MSRA: variants seen among roughly 807,000 people sequenced by gnomAD.
MSRA encodes the protein mitochondrial peptide methionine sulfoxide reductase.
MSRA carries 54 observed loss-of-function variants against 31.3 expected under a neutral mutation model. That is an observed-to-expected ratio of 1.73 (90% CI 1.39 to 2.17). The LOEUF (loss-of-function observed/expected upper bound fraction) is 2.17, where lower values mean the gene tolerates loss of function less well. MSRA is among the 30% of genes most tolerant of loss of function. The probability of loss-of-function intolerance (pLI) is 0.00; values close to 1 mark genes in which losing one functional copy is unlikely to be tolerated. For missense variants in MSRA, 507 were observed against 300.9 expected (o/e 1.69, Z -5.07); for synonymous variants, 169 against 116.5 (o/e 1.45, Z -2.90).
intron 5 of MSRA, among the ~76,000 whole-genome samples, chr8:10,377,153 G>C (rs973716744): frequency 1.3e-5 from 2 of 152,258 alleles, no homozygotes; most frequent in African/African-American, 4.8e-5. Context: ...TAATGATCGC[G>C]AGTTTTTCTT....
intron 5 of MSRA, among the ~76,000 whole-genome samples, chr8:10,415,676 T>G (rs1286240828): frequency 6.6e-6 from 1 of 152,068 alleles, no homozygotes; most frequent in Non-Finnish European, 1.5e-5. Context: ...CTTTCCAGTT[T>G]ATCCTTGATT....
At chr8:10,321,077 G>A (rs1802019891) in intron 5 of MSRA, among the ~76,000 whole-genome samples, 1 of 152,038 alleles carries the variant, frequency 6.6e-6, no homozygotes, top group Admixed American at 6.6e-5. Flanking sequence ...GTAGTTCTCG[G>A]AAATATATAC....
chr8:10,384,116 G>A (rs905101457), intron 5 of MSRA, among the ~76,000 whole-genome samples: 2 of 152,164 alleles, frequency 1.3e-5, no homozygotes, highest in African/African-American at 4.8e-5. Context: ...TGTGCCCAGA[G>A]CTTGTACCTT....
At chr8:10,426,324 T>G (rs1289091436) in intron 5 of MSRA, among the ~76,000 whole-genome samples, 1 of 152,194 alleles carries the variant, frequency 6.6e-6, no homozygotes, top group Non-Finnish European at 1.5e-5. Flanking sequence ...ATTCGGTGTT[T>G]ACAGAATCGT....
intron 3 of MSRA, among the ~76,000 whole-genome samples, chr8:10,279,650 T>G (rs1319039767): frequency 6.6e-6 from 1 of 152,196 alleles, no homozygotes; most frequent in Non-Finnish European, 1.5e-5. Flanking sequence ...TACAAAATGG[T>G]TGAGTATTAA....
rs554680990 is a variant in MSRA, at chr8:10,351,941, C to T, written c.543+31952C>T. 5.4e-4 allele frequency among the ~76,000 whole-genome samples: 82 copies of T among 152,294 alleles called. 1 individual carries two copies. The highest frequency in any genetic ancestry group is 1.2e-4 in the Non-Finnish European group (8 of 68,036). On this transcript the variant is annotated intron_variant, in intron 5 of 5. Transcript: ENST00000317173. The stretch of plus-strand genomic sequence containing the variant: ...CGGCCACATTTAATGAGAAGAGAAC[C>T]CAGCTGTGTGGTTGTTGACTGCGAT...
intron 2 of MSRA, among the ~76,000 whole-genome samples, chr8:10,225,053 G>T (rs754876785): frequency 2.0e-5 from 3 of 152,138 alleles, no homozygotes; most frequent in African/African-American, 2.4e-5. Flanking sequence ...GAGTAGAATC[G>T]CTTGAACCCA....
chr8:10,405,718 C>G (rs372410369), intron 5 of MSRA, among the ~76,000 whole-genome samples: 1 of 152,212 alleles, frequency 6.6e-6, no homozygotes, highest in Non-Finnish European at 1.5e-5. Flanking sequence ...ACCATGTGCT[C>G]ACACACACAA....
chr8:10,183,808 G>GC (rs1806766734), intron 1 of MSRA, among the ~76,000 whole-genome samples: 33 of 100,226 alleles, frequency 3.3e-4, no homozygotes, highest in African/African-American at 8.2e-4. Context: ...GGTGGTGGTG[G>GC]TGCTGCTGCT....
At chr8:10,194,946 C>G (rs1446004726) in intron 1 of MSRA, among the ~76,000 whole-genome samples, 1 of 152,202 alleles carries the variant, frequency 6.6e-6, no homozygotes, top group Admixed American at 6.5e-5. Flanking sequence ...CACAGAAGTT[C>G]AAAAGTAACA....
intron 2 of MSRA, among the ~76,000 whole-genome samples, chr8:10,243,857 A>G (rs1390130474): frequency 6.6e-6 from 1 of 152,196 alleles, no homozygotes; most frequent in African/African-American, 2.4e-5. Flanking sequence ...TTGCAATATT[A>G]TCACAAAATA....
At chr8:10,143,167 T>A (rs1478616010) in intron 1 of MSRA, among the ~76,000 whole-genome samples, 3 of 152,206 alleles carry the variant, frequency 2.0e-5, no homozygotes, top group African/African-American at 4.8e-5. Flanking sequence ...TCCTCTTCTT[T>A]CACGGGGAAA....
chr8:10,226,225 G>T (rs897886618), intron 2 of MSRA, among the ~76,000 whole-genome samples: 1 of 152,192 alleles, frequency 6.6e-6, no homozygotes, highest in South Asian at 2.1e-4. Context: ...GTCTTGCCTA[G>T]GCCTCAGTTT....
intron 2 of MSRA, among the ~76,000 whole-genome samples, chr8:10,239,340 T>G (rs1454161526): frequency 6.6e-6 from 1 of 152,164 alleles, no homozygotes; most frequent in Admixed American, 6.5e-5. Context: ...TTTTGTGTTT[T>G]TAGGAGAGAC....
chr8:10,302,273 C>T (rs1470518736), intron 4 of MSRA, among the ~76,000 whole-genome samples: 1 of 152,216 alleles, frequency 6.6e-6, no homozygotes, highest in Non-Finnish European at 1.5e-5. Flanking sequence ...TGGCAAATAT[C>T]ATTGTAATAT....
chr8:10,127,279 A>G (rs754490439), intron 1 of MSRA, among the ~76,000 whole-genome samples: 2 of 152,214 alleles, frequency 1.3e-5, no homozygotes. Context: ...GTCATCGCCA[A>G]GGTCTGTTTG....
At chr8:10,198,774 C>T (rs1210106637) in intron 1 of MSRA, among the ~76,000 whole-genome samples, 1 of 152,158 alleles carries the variant, frequency 6.6e-6, no homozygotes, top group Non-Finnish European at 1.5e-5. Flanking sequence ...CAGGTGCACA[C>T]CACCATGCCT....
intron 1 of MSRA, among the ~76,000 whole-genome samples, chr8:10,191,483 C>T (rs1161148817): frequency 6.6e-6 from 1 of 152,180 alleles, no homozygotes; most frequent in Non-Finnish European, 1.5e-5. Context: ...AAGTAGCAAT[C>T]CCCTGGATAA....
At position 10,120,134 on chromosome 8, in the gene MSRA, G is replaced by A. The variant is rs183813953; in HGVS notation, c.142+65476G>A. 3.3e-5 allele frequency among the ~76,000 whole-genome samples: 5 copies of A among 152,254 alleles called. No homozygotes were observed. The East Asian group carries it at 9.7e-4, about 29-fold the overall frequency. Reference sequence around the variant, plus strand: ...TTGGCCAAGTCCAACAGAAACCAGAGTTCAAGGGAGCCCATTGATACAGGT... The same window carrying A: ...TTGGCCAAGTCCAACAGAAACCAGAATTCAAGGGAGCCCATTGATACAGGT... On this transcript the variant is annotated intron_variant, in intron 1 of 5. Coordinates refer to ENST00000317173, the MANE Select transcript of MSRA (RefSeq NM_012331.5).
Sources: gnomAD v4.1 joint callset for allele counts (sites outside exome capture counted in the v4.1 genomes callset) on GRCh38, gnomAD v4.1.1 for gene constraint, MANE v1.5 for transcripts, NCBI Gene and HGNC (gene_info 2026-07-23, HGNC 2026-07-21) for gene names.